Variants in CTNNA3 observed in about 807,000 individuals in gnomAD.
The protein encoded by CTNNA3 is catenin alpha-3.
CTNNA3 carries 76 observed loss-of-function variants against 95.7 expected under a neutral mutation model. The observed-to-expected ratio is 0.79, with a 90% CI of 0.66 to 0.96. CTNNA3 has a LOEUF of 0.96. Ranked by LOEUF, CTNNA3 falls within the 40% of genes least tolerant of loss-of-function variation. CTNNA3 has a pLI of 0.00. For missense variants in CTNNA3, 1,191 were observed against 1,089.8 expected, an observed-to-expected ratio of 1.09 and a Z score of -1.31; for synonymous variants, 431 against 374.4, an observed-to-expected ratio of 1.15 and a Z score of -1.74.
intron 7 of CTNNA3, among the ~76,000 whole-genome samples, chr10:66,986,411 C>T (rs937813415): frequency 1.1e-4 from 17 of 152,108 alleles, no homozygotes; most frequent in African/African-American, 2.9e-4. Flanking sequence ...ACAGGAGAAT[C>T]GCTTGAACCC....
At chr10:67,252,322 C>T (rs2132361924) in intron 5 of CTNNA3, among the ~76,000 whole-genome samples, 1 of 151,974 alleles carries the variant, frequency 6.6e-6, no homozygotes. Flanking sequence ...GCAGTACAGT[C>T]ATCCCCCTTA....
intron 7 of CTNNA3, among the ~76,000 whole-genome samples, chr10:66,788,053 A>C (rs1359754002): frequency 6.6e-6 from 1 of 152,176 alleles, no homozygotes; most frequent in African/African-American, 2.4e-5. Context: ...TTAGGTTTAC[A>C]AGTCAAACTA....
chr10:66,559,333 T>A (rs1036664103), intron 10 of CTNNA3, among the ~76,000 whole-genome samples: 2 of 151,696 alleles, frequency 1.3e-5, no homozygotes, highest in African/African-American at 2.4e-5. Context: ...CATGATCTGG[T>A]TTTTACCCAC....
intron 7 of CTNNA3, among the ~76,000 whole-genome samples, chr10:66,938,084 T>C (rs7089854): frequency 0.24 from 35,959 of 152,180 alleles, 4,741 homozygotes; most frequent in Middle Eastern, 0.32. Context: ...AAGTTATTAT[T>C]GCAAACAATC....
chr10:67,335,152 T>C (rs1401022193), intron 5 of CTNNA3, among the ~76,000 whole-genome samples: 1 of 152,118 alleles, frequency 6.6e-6, no homozygotes, highest in African/African-American at 2.4e-5. Flanking sequence ...GGGACACCAG[T>C]TTCCTCCCGT....
intron 9 of CTNNA3, among the ~76,000 whole-genome samples, chr10:66,686,655 G>GAC (rs987219045): frequency 1.3e-5 from 2 of 152,150 alleles, no homozygotes; most frequent in African/African-American, 4.8e-5. Context: ...TGGCATGAAT[G>GAC]ACATGTCTTC....
At chr10:67,404,373 T>C (rs756317753) in intron 5 of CTNNA3, among the ~76,000 whole-genome samples, 3 of 151,234 alleles carry the variant, frequency 2.0e-5, no homozygotes, top group Non-Finnish European at 2.9e-5. Flanking sequence ...ACCAACCTGA[T>C]AGAGCTGAAA....
chr10:65,936,129 G>GCTTTGGTTTACTGTTTACAATTTGTTTA (rs2077333477), intron 17 of CTNNA3, among the ~76,000 whole-genome samples: 1 of 152,138 alleles, frequency 6.6e-6, no homozygotes, highest in Admixed American at 6.5e-5. Context: ...CAACAGTAAA[G>GCTTTGGTTTACTGTTTACAATTTGTTTA]CTTTGGTTAG....
intron 9 of CTNNA3, among the ~76,000 whole-genome samples, chr10:66,714,417 T>A (rs1037158835): frequency 6.6e-6 from 1 of 152,144 alleles, no homozygotes; most frequent in Non-Finnish European, 1.5e-5. Flanking sequence ...CCTCAACACT[T>A]GTGTCTTCCT....
chr10:67,724,190 C>G (rs905857007), intron 1 of CTNNA3, among the ~76,000 whole-genome samples: 1 of 152,172 alleles, frequency 6.6e-6, no homozygotes, highest in African/African-American at 2.4e-5. Flanking sequence ...GTTGTTCTCT[C>G]TGGCTCTTGC....
rs138250940 is a variant in CTNNA3, at chr10:66,966,682, C to T, written c.1048-191158G>A. ...CCAAAATAAGATGTTCTTCTACAAA[C>T]ATTAACATAAGAATAAAAACCACAA... On this transcript the variant is annotated intron_variant, in intron 7 of 17. Transcript: ENST00000433211. Among the ~76,000 whole-genome samples the T allele has an allele frequency of 9.1e-4, 138 of 152,088 alleles. 2 individuals carry two copies. The East Asian group carries it at 0.026, about 28-fold the overall frequency.
intron 12 of CTNNA3, among the ~76,000 whole-genome samples, chr10:66,376,391 T>C (rs982537939): frequency 4.6e-5 from 7 of 152,188 alleles, no homozygotes; most frequent in Non-Finnish European, 1.5e-5. Context: ...GGGTGAAATG[T>C]AGCATTCCAG....
chr10:67,462,331 A>G (rs1219595903), intron 5 of CTNNA3, among the ~76,000 whole-genome samples: 2 of 152,196 alleles, frequency 1.3e-5, no homozygotes, highest in South Asian at 2.1e-4. Flanking sequence ...GGTAATTAAT[A>G]TCCTCGATTA....
intron 3 of CTNNA3, among the ~76,000 whole-genome samples, chr10:67,584,507 C>T (rs749856188): frequency 3.9e-5 from 6 of 152,074 alleles, no homozygotes; most frequent in Non-Finnish European, 7.4e-5. Flanking sequence ...TTAGGCTACT[C>T]GCGGGTCATG....
In CTNNA3 at chr10:65,991,086, T is replaced by A. The variant is rs527328162; in HGVS notation, c.2160-2289A>T. Among the ~76,000 whole-genome samples, 4 of 152,220 alleles carry A rather than the reference T, an allele frequency of 2.6e-5. No homozygotes were observed. In the East Asian group the frequency reaches 7.7e-4, roughly 29 times the overall value. Reference sequence around the variant, plus strand: ...AGTTGGTTATAAATGTGTGGATTTATTTCTGGGTTCTTTATTGGTTCATGT... The same window carrying A: ...AGTTGGTTATAAATGTGTGGATTTAATTCTGGGTTCTTTATTGGTTCATGT... On this transcript the variant is annotated intron_variant, in intron 15 of 17. Coordinates refer to ENST00000433211, the MANE Select transcript of CTNNA3 (RefSeq NM_013266.4).
At chr10:66,398,686 CTAAAT>C (rs1564927388) in intron 11 of CTNNA3, among the ~76,000 whole-genome samples, 1 of 151,866 alleles carries the variant, frequency 6.6e-6, no homozygotes, top group South Asian at 2.1e-4. Context: ...AGTGCTAAGA[CTAAAT>C]TAAAATCAGA....
intron 9 of CTNNA3, among the ~76,000 whole-genome samples, chr10:66,636,584 C>T (rs1260062779): frequency 6.6e-6 from 1 of 152,058 alleles, no homozygotes; most frequent in Non-Finnish European, 1.5e-5. Context: ...CATCTTACTC[C>T]TCTTTTTGGT....
intron 13 of CTNNA3, among the ~76,000 whole-genome samples, chr10:66,220,286 A>G (rs983440095): frequency 6.6e-6 from 1 of 152,214 alleles, no homozygotes; most frequent in Admixed American, 6.5e-5. Flanking sequence ...GTGAACTGTG[A>G]TTATAATTTG....
At chr10:66,888,947 G>A (rs73325586) in intron 7 of CTNNA3, among the ~76,000 whole-genome samples, 4,419 of 152,184 alleles carry the variant, frequency 0.029, 106 homozygotes, top group African/African-American at 0.065. Context: ...ATTTATACTT[G>A]CCAAAATCTG....
Sources: allele counts gnomAD v4.1 joint callset (sites outside exome capture counted in the v4.1 genomes callset), GRCh38; gene constraint gnomAD v4.1.1; transcripts MANE v1.5; gene names NCBI Gene and HGNC (gene_info 2026-07-23, HGNC 2026-07-21).